Variants in LOC128092252 observed in about 807,000 individuals in gnomAD.
At chr15:50,653,283 C>T in the LOC128092252 span, among the ~76,000 whole-genome samples, 1 of 152,178 alleles carries the variant, frequency 6.6e-6, no homozygotes, top group African/African-American at 2.4e-5. Flanking sequence ...AGACCCCGTT[C>T]TCCACAAAAA....
At chr15:50,664,310 A>G in the LOC128092252 span, among the ~76,000 whole-genome samples, 1 of 147,502 alleles carries the variant, frequency 6.8e-6, no homozygotes, top group African/African-American at 2.5e-5. Flanking sequence ...CTCCGTCTCA[A>G]AAAAAAAAAA....
chr15:50,679,536 A>T, the LOC128092252 span, among the ~76,000 whole-genome samples: 1,534 of 48,864 alleles, frequency 0.031, 76 homozygotes, highest in Middle Eastern at 0.11. Flanking sequence ...ATATATATAT[A>T]TATTTTTTTT....
At chr15:50,650,418 G>C in the LOC128092252 span, among the ~76,000 whole-genome samples, 21 of 151,804 alleles carry the variant, frequency 1.4e-4, no homozygotes, top group African/African-American at 5.1e-4. Flanking sequence ...AGACAGACCA[G>C]GCACGGTGGC....
the LOC128092252 span, among the ~76,000 whole-genome samples, chr15:50,679,698 G>C: frequency 8.0e-5 from 12 of 150,730 alleles, no homozygotes; most frequent in African/African-American, 2.9e-4. Context: ...ATCACGTCCA[G>C]CTGATTTTTA....
the LOC128092252 span, among the ~76,000 whole-genome samples, chr15:50,650,707 A>C: frequency 1.3e-5 from 2 of 151,812 alleles, no homozygotes; most frequent in East Asian, 3.9e-4. Context: ...AAAAAACAAA[A>C]AAAAACAAAA....
the LOC128092252 span, among the ~76,000 whole-genome samples, chr15:50,659,587 T>C: frequency 2.6e-5 from 4 of 152,250 alleles, no homozygotes; most frequent in Non-Finnish European, 5.9e-5. Flanking sequence ...ATTTCTTTAA[T>C]ACCTTGAGTG....
At chr15:50,652,428 T>C in the LOC128092252 span, among the ~76,000 whole-genome samples, 1 of 124,246 alleles carries the variant, frequency 8.0e-6, no homozygotes, top group Non-Finnish European at 1.7e-5. Flanking sequence ...ATTGAAAAGA[T>C]AAATAAAATT....
the LOC128092252 span, among the ~76,000 whole-genome samples, chr15:50,653,597 C>A: frequency 6.6e-6 from 1 of 152,174 alleles, no homozygotes; most frequent in East Asian, 1.9e-4. Flanking sequence ...CCCATGACTG[C>A]ACCAGCTTGG....
the LOC128092252 span, among the ~76,000 whole-genome samples, chr15:50,666,969 T>C: frequency 7.2e-5 from 11 of 152,188 alleles, no homozygotes; most frequent in Admixed American, 2.0e-4. Context: ...CTTTACTGTA[T>C]GGATTCGCCT....
At chr15:50,662,938 G>C in the LOC128092252 span, 1 of 1,498,502 alleles carries the variant, frequency 6.7e-7, no homozygotes, top group South Asian at 1.2e-5. Context: ...ATTTCTAGAA[G>C]ACCCCAGAAG....
chr15:50,679,538 ATTTTT>A, the LOC128092252 span, among the ~76,000 whole-genome samples: 240 of 43,900 alleles, frequency 5.5e-3, 2 homozygotes, highest in South Asian at 0.011. Context: ...ATATATATAT[ATTTTT>A]TTTTTTTTTT....
At chr15:50,668,801 C>G in the LOC128092252 span, among the ~76,000 whole-genome samples, 1 of 152,030 alleles carries the variant, frequency 6.6e-6, no homozygotes, top group Admixed American at 6.6e-5. Flanking sequence ...AGCCACCATG[C>G]CTGGCCTACA....
At chr15:50,652,328 C>CA in the LOC128092252 span, among the ~76,000 whole-genome samples, 486 of 34,216 alleles carry the variant, frequency 0.014, 82 homozygotes, top group African/African-American at 0.034. Flanking sequence ...GACTCCATCT[C>CA]AAAAAAAAAA....
chr15:50,678,688 G>A, the LOC128092252 span, among the ~76,000 whole-genome samples: 2 of 151,714 alleles, frequency 1.3e-5, no homozygotes, highest in African/African-American at 4.8e-5. Flanking sequence ...AGATATTATT[G>A]AAAAGCATCT....
chr15:50,673,372 G>A, the LOC128092252 span, among the ~76,000 whole-genome samples: 1 of 152,020 alleles, frequency 6.6e-6, no homozygotes, highest in Non-Finnish European at 1.5e-5. Flanking sequence ...CCCATTGCCC[G>A]ACCGGTACAC....
At chr15:50,652,260 G>A in the LOC128092252 span, among the ~76,000 whole-genome samples, 4 of 147,722 alleles carry the variant, frequency 2.7e-5, no homozygotes, top group African/African-American at 7.5e-5. Flanking sequence ...TTGAACCTGG[G>A]AGGCGGAGAT....
the LOC128092252 span, among the ~76,000 whole-genome samples, chr15:50,650,419 G>C: frequency 4.6e-5 from 7 of 151,950 alleles, no homozygotes; most frequent in African/African-American, 1.7e-4. Context: ...GACAGACCAG[G>C]CACGGTGGCT....
At chr15:50,686,127 C>T in the LOC128092252 span, among the ~76,000 whole-genome samples, 2 of 152,194 alleles carry the variant, frequency 1.3e-5, no homozygotes, top group Admixed American at 6.5e-5. Flanking sequence ...CATTTGGTTC[C>T]CTTATCTGCC....
At chr15:50,653,411 T>G in the LOC128092252 span, among the ~76,000 whole-genome samples, 1 of 152,198 alleles carries the variant, frequency 6.6e-6, no homozygotes, top group Non-Finnish European at 1.5e-5. Context: ...TTATCAAGAG[T>G]ACCACTACAT....
Sources: allele counts gnomAD v4.1 joint callset (sites outside exome capture counted in the v4.1 genomes callset), GRCh38; gene constraint gnomAD v4.1.1; transcripts MANE v1.5.